The following ITGB1 variants were observed in gnomAD, a reference collection of about 807,000 sequenced individuals.
The protein encoded by ITGB1 is integrin subunit beta 1.
A neutral mutation model predicts 86.5 loss-of-function variants in ITGB1; 24 were observed. The observed-to-expected ratio is 0.28, with a 90% CI of 0.20 to 0.39. The LOEUF is 0.39. ITGB1 is among the 10% of genes least tolerant of loss of function. The probability of loss-of-function intolerance (pLI) is 1.00; values close to 1 mark genes in which losing one functional copy is unlikely to be tolerated. For missense variants in ITGB1, 556 were observed against 946.9 expected (o/e 0.59, Z 5.42); for synonymous variants, 323 against 316.8 (o/e 1.02, Z -0.21).
chr10:32,922,723 T>C lies in ITGB1; in HGVS notation c.955A>G (p.Ile319Val), dbSNP rs201869797. 1.6e-5 allele frequency: 26 copies of C among 1,584,890 alleles called. No homozygotes were observed. Among genetic ancestry groups the C allele is most frequent in the East Asian group, 2.2e-5 (1 of 44,544 alleles). The change falls in exon 8 of 16, where the codon ATT becomes GTT. Residue 319 changes from isoleucine (I) to valine (V), a missense_variant. Coordinates refer to ENST00000302278, the MANE Select transcript of ITGB1 (RefSeq NM_002211.4). ...CTCAGTTTCTGGACAAGGTGAGCAA[T>C]AGAAGGATAATCCTAAGAAATCAAG... ...TMSHYYDYPS[I>V]AHLVQKLSEN...
intron 3 of ITGB1, among the ~76,000 whole-genome samples, chr10:32,930,761 GT>G (rs1210231754): frequency 1.3e-5 from 2 of 152,084 alleles, no homozygotes; most frequent in East Asian, 3.9e-4. Context: ...TTAATGGCAG[GT>G]GAATGGATAT....
chr10:32,931,683 A>C (rs181883920), intron 3 of ITGB1, among the ~76,000 whole-genome samples: 3 of 152,254 alleles, frequency 2.0e-5, no homozygotes, highest in Admixed American at 1.3e-4. Context: ...AAACCATACG[A>C]CATATCTGAC....
chr10:32,932,422 A>G (rs1215492259), intron 3 of ITGB1, 93 bp downstream of exon 3: 2 of 756,592 alleles, frequency 2.6e-6, no homozygotes, highest in African/African-American at 1.8e-5. Context: ...TATGATTTAC[A>G]TAAAAATTAA....
intron 1 of ITGB1, among the ~76,000 whole-genome samples, chr10:32,943,056 T>C (rs1396398874): frequency 1.3e-5 from 2 of 152,188 alleles, no homozygotes; most frequent in Non-Finnish European, 2.9e-5. Flanking sequence ...TGAACCATAT[T>C]GAATTGTATG....
intron 1 of ITGB1, among the ~76,000 whole-genome samples, chr10:32,939,321 TC>T (rs1486358486): frequency 6.6e-6 from 1 of 152,222 alleles, no homozygotes; most frequent in Non-Finnish European, 1.5e-5. Context: ...GAAACAGTTG[TC>T]TACACTGGTC....
intron 9 of ITGB1, among the ~76,000 whole-genome samples, chr10:32,921,377 A>G (rs1593865563): frequency 6.6e-6 from 1 of 152,088 alleles, no homozygotes; most frequent in Middle Eastern, 3.4e-3. Flanking sequence ...CTTTATAAAA[A>G]CCCCTCCAAG....
intron 9 of ITGB1, among the ~76,000 whole-genome samples, chr10:32,921,957 TG>T (rs2094951381): frequency 6.6e-6 from 1 of 152,154 alleles, no homozygotes; most frequent in Admixed American, 6.5e-5. Flanking sequence ...TAAGTTTAAA[TG>T]TAAGTTATGT....
At chr10:32,913,896 A>T (rs968986155) in intron 11 of ITGB1, among the ~76,000 whole-genome samples, 1 of 152,206 alleles carries the variant, frequency 6.6e-6, no homozygotes, top group Admixed American at 6.5e-5. Context: ...GAAGGAAAAA[A>T]TGTTAAGGGC....
chr10:32,912,431 A>C (rs1237050349), intron 11 of ITGB1, among the ~76,000 whole-genome samples: 7 of 152,192 alleles, frequency 4.6e-5, no homozygotes, highest in Non-Finnish European at 8.8e-5. Flanking sequence ...GAAAATCAGG[A>C]CACTCCCACA....
At position 32,922,715 on chromosome 10, in the gene ITGB1, G is replaced by A. The variant is rs1269856214; in HGVS notation, c.963C>T (p.His321=). 3.1e-6 allele frequency: 5 copies of A among 1,596,674 alleles called. No homozygotes were observed. The highest frequency in any genetic ancestry group is 1.8e-4 in the Middle Eastern group (1 of 5,638). The change falls in exon 8 of 16, where the codon CAC becomes CAT. Residue 321 remains histidine (H), a synonymous_variant. Transcript: ENST00000302278. ...SHYYDYPSIA[H]LVQKLSENNI... ...TATTTTCACTCAGTTTCTGGACAAG[G>A]TGAGCAATAGAAGGATAATCCTAAG...
chr10:32,929,880 G>C lies in ITGB1; in HGVS notation c.318C>G (p.Leu106=), dbSNP rs758865384. ...GGATCTGAGTAATATCCTCTGGCTTGAGCTTCTCTGCTGTTCCTTTGCTAC... is the reference window on the plus strand; with the variant it reads ...GGATCTGAGTAATATCCTCTGGCTTCAGCTTCTCTGCTGTTCCTTTGCTAC... ...TNRSKGTAEK[L]KPEDITQIQP... The change falls in exon 4 of 16, where the codon CTC becomes CTG. Residue 106 remains leucine (L), a synonymous_variant. Transcript: ENST00000302278. 18 of 1,613,590 alleles carry C rather than the reference G, an allele frequency of 1.1e-5. No individual in the cohort carries two copies. The highest frequency in any genetic ancestry group is 1.5e-5 in the Non-Finnish European group (18 of 1,179,532).
Position 32,919,893 on chromosome 10 carries a change from G to T in ITGB1, c.1461C>A (p.Gly487=). The change falls in exon 11 of 16, where the codon GGC becomes GGA. Residue 487 remains glycine (G), a synonymous_variant. Coordinates refer to ENST00000302278, the MANE Select transcript of ITGB1 (RefSeq NM_002211.4). ...GACAACACCCAGCTTACCTGCACGC[G>T]CCACACTCAAATGTCCCATTTCCTT... ...CHEGNGTFEC[G]ACRCNEGRVG... is the part of the protein sequence containing the mutation. 5.6e-6 allele frequency: 9 copies of T among 1,613,866 alleles called. No homozygotes were observed. Among genetic ancestry groups the T allele is most frequent in the Non-Finnish European group, 7.6e-6 (9 of 1,179,842 alleles).
At chr10:32,936,926 G>T (rs2095003832) in intron 1 of ITGB1, among the ~76,000 whole-genome samples, 3 of 152,148 alleles carry the variant, frequency 2.0e-5, no homozygotes, top group Admixed American at 2.0e-4. Context: ...AGCAAAAATA[G>T]AAAGTTTTTT....
chr10:32,928,428 G>A (rs1392645868), intron 4 of ITGB1, among the ~76,000 whole-genome samples, 164 bp from the exon 5 acceptor site: 1 of 152,240 alleles, frequency 6.6e-6, no homozygotes, highest in Non-Finnish European at 1.5e-5. Context: ...CAATGGGTAT[G>A]TATTCAGTTT....
intron 15 of ITGB1, 125 bp from the exon 16 acceptor site, chr10:32,901,760 G>T: frequency 1.6e-6 from 1 of 628,118 alleles, no homozygotes; most frequent in Non-Finnish European, 2.8e-6. Context: ...TATTTGTCCA[G>T]ATATCACAGT....
At chr10:32,929,204 TA>T (rs143341662) in intron 4 of ITGB1, among the ~76,000 whole-genome samples, 1 of 146,594 alleles carries the variant, frequency 6.8e-6, no homozygotes, top group Non-Finnish European at 1.5e-5. Context: ...ACAGAAGAGT[TA>T]AAAAAAATCC....
chr10:32,949,967 C>T (rs534603248), intron 1 of ITGB1, among the ~76,000 whole-genome samples: 96 of 152,104 alleles, frequency 6.3e-4, no homozygotes, highest in Non-Finnish European at 1.2e-3. Flanking sequence ...ATGTTATGTT[C>T]ATTTCAGAGT....
chr10:32,926,995 C>A (rs567934665), intron 5 of ITGB1, among the ~76,000 whole-genome samples: 3 of 152,280 alleles, frequency 2.0e-5, no homozygotes, highest in African/African-American at 7.2e-5. Flanking sequence ...CTAAGACAAT[C>A]TTTTTATTTT....
chr10:32,946,357 G>A (rs913260501), intron 1 of ITGB1, among the ~76,000 whole-genome samples: 27 of 152,128 alleles, frequency 1.8e-4, no homozygotes, highest in Non-Finnish European at 2.9e-4. Flanking sequence ...GGTTAACAAA[G>A]ACCAAAAAAG....
Sources: gnomAD v4.1 joint callset for allele counts (sites outside exome capture counted in the v4.1 genomes callset) on GRCh38, gnomAD v4.1.1 for gene constraint, MANE v1.5 for transcripts, NCBI Gene and HGNC (gene_info 2026-07-23, HGNC 2026-07-21) for gene names.